GOLGA1: variants seen among roughly 807,000 people sequenced by gnomAD.
GOLGA1 encodes the protein golgin A1.
GOLGA1 carries 63 observed loss-of-function variants against 119.7 expected under a neutral mutation model. The ratio of observed to expected loss-of-function variants is 0.53; its 90% CI spans 0.43 to 0.65. The LOEUF (loss-of-function observed/expected upper bound fraction) is 0.65, where lower values mean the gene tolerates loss of function less well. Ranked by LOEUF, GOLGA1 falls within the 30% of genes least tolerant of loss-of-function variation. The pLI, the probability that GOLGA1 is intolerant of heterozygous loss-of-function variation, is 0.00. For missense variants in GOLGA1, 798 were observed against 912.8 expected, an observed-to-expected ratio of 0.87 and a Z score of 1.62; for synonymous variants, 318 against 333.4, an observed-to-expected ratio of 0.95 and a Z score of 0.50.
At chr9:124,927,442 A>T (rs190223072) in intron 6 of GOLGA1, among the ~76,000 whole-genome samples, 57 of 152,298 alleles carry the variant, frequency 3.7e-4, no homozygotes, top group Admixed American at 1.8e-3. Context: ...CTGGCTAGTA[A>T]ATGTCCTAGA....
At chr9:124,906,144 T>TAAATAAATAAATAA (rs1830227309) in intron 12 of GOLGA1, among the ~76,000 whole-genome samples, 2 of 148,922 alleles carry the variant, frequency 1.3e-5, no homozygotes, top group African/African-American at 5.0e-5. Flanking sequence ...AATAAATAAA[T>TAAATAAATAAATAA]AAATAAGGGC....
upstream of GOLGA1, chr9:124,945,211 AAGTATGTTT>A (rs1370644782): frequency 6.6e-6 from 1 of 152,130 alleles, no homozygotes; most frequent in Admixed American, 6.5e-5. Flanking sequence ...TCTATTGTCC[AAGTATGTTT>A]AAACATGGCA....
At chr9:124,900,289 C>T (rs1830074668) in intron 13 of GOLGA1, 163 bp downstream of exon 13, 1 of 511,154 alleles carries the variant, frequency 2.0e-6, no homozygotes, top group South Asian at 2.6e-5. Context: ...TCCTGACTCC[C>T]TCCACCCCCT....
At chr9:124,898,743 T>C (rs757746513) in intron 14 of GOLGA1, 99 bp from the exon 15 acceptor site, 27 of 716,526 alleles carry the variant, frequency 3.8e-5, no homozygotes, top group Non-Finnish European at 6.5e-5. Context: ...GGAGGAACAA[T>C]ATACATTTTA....
chr9:124,905,536 T>C (rs765970391), intron 12 of GOLGA1, among the ~76,000 whole-genome samples: 18 of 152,170 alleles, frequency 1.2e-4, no homozygotes, highest in Non-Finnish European at 2.1e-4. Flanking sequence ...TTAGGCATAT[T>C]TCCTTTAAGA....
intron 11 of GOLGA1, among the ~76,000 whole-genome samples, chr9:124,909,766 C>T (rs1830306277): frequency 6.6e-6 from 1 of 151,912 alleles, no homozygotes; most frequent in African/African-American, 2.4e-5. Flanking sequence ...ACTTTATTTA[C>T]TTATTTATTA....
Position 124,926,877 on chromosome 9 carries a change from AT to A in GOLGA1, c.400-137del, listed in dbSNP as rs199885405. 106 of 575,578 alleles carry A rather than the reference AT, an allele frequency of 1.8e-4. No individual in the cohort carries two copies. The East Asian group carries it at 3.0e-3, about 17-fold the overall frequency. 35.7% of individuals were successfully genotyped at this position (575,578 alleles called of 1,614,324 possible). On this transcript the variant is annotated intron_variant, in intron 6 of 22. Coordinates refer to ENST00000373555, the MANE Select transcript of GOLGA1 (RefSeq NM_002077.4). ...AAACAAAAAAGCCAATTAAAAAAAA[AT>A]CTATAAACTTGGTTTAATATTAAGA...
intron 5 of GOLGA1, among the ~76,000 whole-genome samples, chr9:124,928,500 G>A (rs1564343437): frequency 6.6e-6 from 1 of 152,080 alleles, no homozygotes. Context: ...TATCGTTTTT[G>A]TTTTTTGTAA....
chr9:124,922,980 A>G, intron 8 of GOLGA1, 115 bp downstream of exon 8: 1 of 641,028 alleles, frequency 1.6e-6, no homozygotes, highest in South Asian at 2.0e-5. Flanking sequence ...ATCAAATATG[A>G]TTAATATCAC....
Position 124,909,608 on chromosome 9 carries a change from C to CA in GOLGA1, c.970-1137dup, listed in dbSNP as rs58372596. Among the ~76,000 whole-genome samples, 788 of 86,852 alleles carry CA rather than the reference C, an allele frequency of 9.1e-3. 14 individuals are homozygous for CA. Among genetic ancestry groups the CA allele is most frequent in the South Asian group, 0.018 (45 of 2,530 alleles). 57.0% of individuals were successfully genotyped at this position (86,852 alleles called of 152,430 possible). A position where few individuals can be genotyped will look rare whatever the true frequency, so the allele number is the denominator to read the frequency against. On this transcript the variant is annotated intron_variant, in intron 11 of 22. Transcript: ENST00000373555. ...TGGGCAACAGAGTGAGACTCCGTCT[C>CA]AAAAAAAAAAAAAAAAAAAAGAAAT... is the stretch of plus-strand genomic sequence containing the variant.
At chr9:124,927,239 A>G (rs1830691859) in intron 6 of GOLGA1, among the ~76,000 whole-genome samples, 1 of 152,198 alleles carries the variant, frequency 6.6e-6, no homozygotes, top group African/African-American at 2.4e-5. Flanking sequence ...GCTTTATGCC[A>G]TCTGTGTAAG....
At chr9:124,899,601 C>G (rs982555719) in intron 13 of GOLGA1, 123 bp from the exon 14 acceptor site, 146 of 991,352 alleles carry the variant, frequency 1.5e-4, no homozygotes, top group Middle Eastern at 5.2e-4. Context: ...CCCCATCCCC[C>G]CTGGCGTTGC....
At chr9:124,905,363 G>A (rs1830205134) in intron 12 of GOLGA1, among the ~76,000 whole-genome samples, 1 of 152,018 alleles carries the variant, frequency 6.6e-6, no homozygotes, top group Non-Finnish European at 1.5e-5. Flanking sequence ...TTGGGTGGGT[G>A]AGGCAGGAGA....
intron 12 of GOLGA1, among the ~76,000 whole-genome samples, chr9:124,904,723 C>T (rs1292609674): frequency 6.6e-6 from 1 of 151,618 alleles, no homozygotes; most frequent in Non-Finnish European, 1.5e-5. Flanking sequence ...AGGTGGATCA[C>T]GAGGTCAGGA....
chr9:124,919,211 C>T (rs937998254), intron 10 of GOLGA1, among the ~76,000 whole-genome samples: 1 of 151,816 alleles, frequency 6.6e-6, no homozygotes, highest in South Asian at 2.1e-4. Flanking sequence ...GAGCCGTTGA[C>T]GTCACTGCAC....
At chr9:124,945,650 T>C (rs926265853), upstream of GOLGA1, 5 of 152,190 alleles carry the variant, frequency 3.3e-5, no homozygotes, top group African/African-American at 1.2e-4. Context: ...TTAAATTAGT[T>C]ATACTTAATA....
upstream of GOLGA1, chr9:124,945,992 T>A (rs1831139515): frequency 6.6e-6 from 1 of 152,200 alleles, no homozygotes; most frequent in African/African-American, 2.4e-5. Flanking sequence ...AAGTGTTACC[T>A]TATTCACCCT....
intron 12 of GOLGA1, among the ~76,000 whole-genome samples, chr9:124,902,040 G>C (rs1830117810): frequency 1.3e-5 from 2 of 152,358 alleles, no homozygotes; most frequent in East Asian, 3.9e-4. Context: ...CCAGATTCAA[G>C]CTACATCTAT....
intron 15 of GOLGA1, among the ~76,000 whole-genome samples, chr9:124,894,671 C>A (rs1467028675): frequency 6.6e-6 from 1 of 152,154 alleles, no homozygotes; most frequent in Non-Finnish European, 1.5e-5. Context: ...CCAGGACCCC[C>A]ATCTCAGTGA....
Sources: gnomAD v4.1 joint callset for allele counts (sites outside exome capture counted in the v4.1 genomes callset) on GRCh38, gnomAD v4.1.1 for gene constraint, MANE v1.5 for transcripts, NCBI Gene and HGNC (gene_info 2026-07-23, HGNC 2026-07-21) for gene names.